MLLT3: variants seen among roughly 807,000 people sequenced by gnomAD.
The protein encoded by MLLT3 is protein AF-9.
A neutral mutation model predicts 53.2 loss-of-function variants in MLLT3; 4 were observed. The ratio of observed to expected loss-of-function variants is 0.08; its 90% CI spans 0.04 to 0.17. The LOEUF is 0.17. Ranked by LOEUF, MLLT3 falls within the 10% of genes least tolerant of loss-of-function variation. The pLI, the probability that MLLT3 is intolerant of heterozygous loss-of-function variation, is 1.00. For missense variants in MLLT3, 569 were observed against 684.0 expected (o/e 0.83, Z 1.87); for synonymous variants, 283 against 230.6 (o/e 1.23, Z -2.06).
rs1197072434 is a variant in MLLT3, at chr9:20,343,289, G to C, written c.*3154C>G. On this transcript the variant is annotated 3_prime_UTR_variant, in exon 11 of 11. Transcript: ENST00000380338. The stretch of plus-strand genomic sequence containing the variant: ...CACCAAAAGGTGAATATTCAGATTA[G>C]AGAGATTTAAATTGCCTAGCAATTT... 5.4e-6 allele frequency: 1 copy of C among 185,468 alleles called. No individual in the cohort carries two copies. Among genetic ancestry groups the C allele is most frequent in the Non-Finnish European group, 1.1e-5 (1 of 92,180 alleles). The allele number at this position is 185,468 out of a possible 1,614,324, so 11.5% of individuals were successfully genotyped here.
chr9:20,364,488 C>G (rs1214666239), intron 6 of MLLT3, among the ~76,000 whole-genome samples: 1 of 152,142 alleles, frequency 6.6e-6, no homozygotes, highest in African/African-American at 2.4e-5. Flanking sequence ...GAAAGAGAGA[C>G]ACTTTCATTC....
chr9:20,509,872 ATT>A (rs944346119), intron 2 of MLLT3, among the ~76,000 whole-genome samples: 6 of 149,682 alleles, frequency 4.0e-5, no homozygotes, highest in Admixed American at 4.0e-4. Flanking sequence ...TACAATTATT[ATT>A]TTTTTTTTTT....
In MLLT3 at chr9:20,547,726, A is replaced by G. The variant is rs147758815; in HGVS notation, c.193+72928T>C. Reference sequence around the variant, plus strand: ...AGCACTTTCGGAGGTGGAAGCAGATAGATCACTTGGGCCCAGGAGTTCAAG... The same window carrying G: ...AGCACTTTCGGAGGTGGAAGCAGATGGATCACTTGGGCCCAGGAGTTCAAG... On this transcript the variant is annotated intron_variant, in intron 2 of 10. Coordinates refer to ENST00000380338, the MANE Select transcript of MLLT3 (RefSeq NM_004529.4). Among the ~76,000 whole-genome samples the G allele has an allele frequency of 4.8e-3, 725 of 152,166 alleles. 5 individuals carry two copies. Among genetic ancestry groups the G allele is most frequent in the African/African-American group, 0.017 (693 of 41,528 alleles).
At chr9:20,409,585 A>C (rs561768261) in intron 5 of MLLT3, among the ~76,000 whole-genome samples, 1 of 152,296 alleles carries the variant, frequency 6.6e-6, no homozygotes, top group African/African-American at 2.4e-5. Context: ...TGAACTCCTA[A>C]ACCAGGAACC....
chr9:20,533,083 T>G, intron 2 of MLLT3: 1 of 248,556 alleles, frequency 4.0e-6, no homozygotes, highest in South Asian at 4.6e-5. Context: ...TGTCGTAAAA[T>G]GGGGGTCCCT....
intron 2 of MLLT3, among the ~76,000 whole-genome samples, chr9:20,580,625 G>A (rs1169914303): frequency 1.3e-5 from 2 of 152,266 alleles, no homozygotes; most frequent in African/African-American, 4.8e-5. Flanking sequence ...ATCAAAAAGT[G>A]ACTAGGGATG....
chr9:20,455,824 A>T (rs1370028526), intron 3 of MLLT3, among the ~76,000 whole-genome samples: 1 of 151,888 alleles, frequency 6.6e-6, no homozygotes, highest in Non-Finnish European at 1.5e-5. Flanking sequence ...AAGTACTCTT[A>T]TCTCCTCATT....
intron 2 of MLLT3, among the ~76,000 whole-genome samples, chr9:20,614,121 G>A (rs7859803): frequency 0.017 from 2,517 of 152,234 alleles, 56 homozygotes; most frequent in African/African-American, 0.055. Context: ...AGGGCCGGGC[G>A]CGGTGCCTCA....
intron 2 of MLLT3, among the ~76,000 whole-genome samples, chr9:20,566,541 C>T (rs1819382640): frequency 6.6e-6 from 1 of 152,100 alleles, no homozygotes; most frequent in African/African-American, 2.4e-5. Flanking sequence ...CGTATACATG[C>T]TTATCAGTTT....
At chr9:20,609,464 T>C (rs1820648461) in intron 2 of MLLT3, among the ~76,000 whole-genome samples, 1 of 152,112 alleles carries the variant, frequency 6.6e-6, no homozygotes, top group Non-Finnish European at 1.5e-5. Context: ...ATTACTCTAT[T>C]GATAATAAAA....
intron 2 of MLLT3, 90 bp from the exon 3 acceptor site, chr9:20,456,876 T>C (rs1174427474): frequency 3.2e-6 from 3 of 940,552 alleles, no homozygotes; most frequent in Non-Finnish European, 4.8e-6. Flanking sequence ...TTCTACCATC[T>C]AGATCACACG....
At chr9:20,561,637 C>T (rs1188207353) in intron 2 of MLLT3, among the ~76,000 whole-genome samples, 2 of 152,110 alleles carry the variant, frequency 1.3e-5, no homozygotes, top group South Asian at 2.1e-4. Context: ...ACAAGAGATC[C>T]TTGACTCCAA....
chr9:20,594,750 A>G (rs116747889), intron 2 of MLLT3, among the ~76,000 whole-genome samples: 1,785 of 152,302 alleles, frequency 0.012, 46 homozygotes, highest in African/African-American at 0.042. Flanking sequence ...ACTGCTCACT[A>G]TATGCTAATT....
intron 2 of MLLT3, among the ~76,000 whole-genome samples, chr9:20,595,559 A>C (rs1820241063): frequency 6.6e-6 from 1 of 152,196 alleles, no homozygotes; most frequent in Non-Finnish European, 1.5e-5. Context: ...TCCTGTATCT[A>C]TCATTTGAAA....
chr9:20,514,553 G>A (rs1195387412), intron 2 of MLLT3, among the ~76,000 whole-genome samples: 2 of 151,566 alleles, frequency 1.3e-5, no homozygotes, highest in Non-Finnish European at 2.9e-5. Context: ...GCTCAAATAG[G>A]TCCCCCATAT....
intron 4 of MLLT3, among the ~76,000 whole-genome samples, chr9:20,444,161 AG>A (rs1410023404): frequency 6.6e-6 from 1 of 152,202 alleles, no homozygotes; most frequent in African/African-American, 2.4e-5. Flanking sequence ...ACTACTAAAA[AG>A]TGATAAGGGA....
chr9:20,341,708 AGTAGTTGTTCTCCTTCCTGTCTAATCAAG>A lies in MLLT3; in HGVS notation c.*4706_*4734del, dbSNP rs1426660169. ...GAATGTATTTTATTCTCTTTGTTGT[AGTAGTTGTTCTCCTTCCTGTCTAATCAAG>A]GTAGCAGTTCTTGCTGTGAAAGTAA... On this transcript the variant is annotated 3_prime_UTR_variant, in exon 11 of 11. Coordinates refer to ENST00000380338, the MANE Select transcript of MLLT3 (RefSeq NM_004529.4). The A allele has an allele frequency of 5.4e-6, 1 of 183,856 alleles. No individual in the cohort carries two copies. Among genetic ancestry groups the A allele is most frequent in the African/African-American group, 2.4e-5 (1 of 42,530 alleles). The allele number at this position is 183,856 out of a possible 1,614,324, so 11.4% of individuals were successfully genotyped here.
At chr9:20,586,162 T>C (rs1340413470) in intron 2 of MLLT3, among the ~76,000 whole-genome samples, 3 of 151,676 alleles carry the variant, frequency 2.0e-5, no homozygotes, top group Non-Finnish European at 2.9e-5. Context: ...ACAAAAAAAA[T>C]GTTTTAAATT....
At chr9:20,537,262 A>C (rs1425718812) in intron 2 of MLLT3, among the ~76,000 whole-genome samples, 1 of 152,258 alleles carries the variant, frequency 6.6e-6, no homozygotes, top group Admixed American at 6.5e-5. Flanking sequence ...TGCATACTAC[A>C]TACAGAATAG....
Sources: allele counts gnomAD v4.1 joint callset (sites outside exome capture counted in the v4.1 genomes callset), GRCh38; gene constraint gnomAD v4.1.1; transcripts MANE v1.5; gene names NCBI Gene and HGNC (gene_info 2026-07-23, HGNC 2026-07-21).